CSMD1: variants seen among roughly 807,000 people sequenced by gnomAD.
CSMD1 encodes CUB and Sushi multiple domains 1, also known as CUB and sushi domain-containing protein 1.
In CSMD1, 213 loss-of-function variants were observed where a neutral mutation model predicts 417.5. The observed-to-expected ratio is 0.51, with a 90% CI of 0.46 to 0.57. The LOEUF (loss-of-function observed/expected upper bound fraction) is 0.57. CSMD1 is among the 20% of genes least tolerant of loss of function. CSMD1 has a pLI of 0.00. For synonymous variants in CSMD1, 2,862 were observed against 1,736.8 expected, an observed-to-expected ratio of 1.65 and a Z score of -16.11; for missense variants, 6,923 against 4,529.7, an observed-to-expected ratio of 1.53 and a Z score of -15.17.
At chr8:4,450,444 G>A (rs1000419694) in intron 2 of CSMD1, among the ~76,000 whole-genome samples, 2 of 152,098 alleles carry the variant, frequency 1.3e-5, no homozygotes, top group African/African-American at 2.4e-5. Context: ...TGGCCAACAG[G>A]GTGAAACCTC....
At chr8:3,236,084 A>AT (rs533682909) in intron 26 of CSMD1, among the ~76,000 whole-genome samples, 185 of 151,454 alleles carry the variant, frequency 1.2e-3, no homozygotes, top group African/African-American at 1.9e-3. Context: ...CACCAGGCTA[A>AT]TTTTTTTGTA....
At chr8:4,428,782 T>G (rs990323339) in intron 2 of CSMD1, among the ~76,000 whole-genome samples, 1 of 152,092 alleles carries the variant, frequency 6.6e-6, no homozygotes, top group African/African-American at 2.4e-5. Context: ...TGCAGTGGCG[T>G]GATCTTGGCT....
At chr8:4,039,721 G>C (rs529040464) in intron 3 of CSMD1, among the ~76,000 whole-genome samples, 1 of 152,166 alleles carries the variant, frequency 6.6e-6, no homozygotes, top group African/African-American at 2.4e-5. Flanking sequence ...AAAAGGGCAA[G>C]ATTTGGCCAA....
chr8:4,438,281 G>A lies in CSMD1; in HGVS notation c.303-18216C>T, dbSNP rs139909561. On this transcript the variant is annotated intron_variant, in intron 2 of 69. Coordinates refer to ENST00000635120, the MANE Select transcript of CSMD1 (RefSeq NM_033225.6). Reference sequence around the variant, plus strand: ...GTTCTTTAAGGTTGAAGAGACCTGGGGCTTTCCTGAATGCTCATGGAGGTG... The same window carrying A: ...GTTCTTTAAGGTTGAAGAGACCTGGAGCTTTCCTGAATGCTCATGGAGGTG... 1.7e-3 allele frequency among the ~76,000 whole-genome samples: 265 copies of A among 152,230 alleles called. 1 individual carries two copies. Among genetic ancestry groups the A allele is most frequent in the African/African-American group, 6.1e-3 (254 of 41,550 alleles).
chr8:3,893,011 C>T (rs918248061), intron 5 of CSMD1, among the ~76,000 whole-genome samples: 3 of 151,648 alleles, frequency 2.0e-5, no homozygotes, highest in African/African-American at 4.8e-5. Context: ...AGTTTTCACA[C>T]TGAAAATAAC....
chr8:4,385,629 A>C (rs1051667806), intron 3 of CSMD1, among the ~76,000 whole-genome samples: 4 of 152,206 alleles, frequency 2.6e-5, no homozygotes, highest in Admixed American at 2.6e-4. Context: ...TGAATCAGTA[A>C]CAGATGCAAA....
intron 18 of CSMD1, among the ~76,000 whole-genome samples, chr8:3,383,118 T>C (rs1354225028): frequency 1.3e-5 from 2 of 152,156 alleles, no homozygotes; most frequent in East Asian, 3.9e-4. Context: ...CACAAATTTT[T>C]AGATGGATTG....
intron 3 of CSMD1, among the ~76,000 whole-genome samples, chr8:4,122,314 C>T (rs552737226): frequency 9.2e-5 from 14 of 152,162 alleles, no homozygotes; most frequent in Non-Finnish European, 1.5e-4. Flanking sequence ...CTTTGATGAC[C>T]AAATATTAAG....
At chr8:4,789,653 T>G (rs1797590000) in intron 1 of CSMD1, among the ~76,000 whole-genome samples, 1 of 152,192 alleles carries the variant, frequency 6.6e-6, no homozygotes, top group African/African-American at 2.4e-5. Context: ...GCTGGCATAC[T>G]AGCTGTATGT....
At chr8:3,607,774 T>G (rs557643878) in intron 8 of CSMD1, among the ~76,000 whole-genome samples, 84 of 152,312 alleles carry the variant, frequency 5.5e-4, no homozygotes, top group South Asian at 4.3e-3. Flanking sequence ...CTCCATTAAC[T>G]GGCAATACTC....
intron 3 of CSMD1, among the ~76,000 whole-genome samples, chr8:4,071,168 A>T (rs1411006586): frequency 1.3e-5 from 2 of 152,062 alleles, no homozygotes; most frequent in Non-Finnish European, 2.9e-5. Context: ...TAGTACATTA[A>T]AGATAGTTTC....
At chr8:4,405,655 C>T (rs995192074) in intron 3 of CSMD1, among the ~76,000 whole-genome samples, 6 of 152,178 alleles carry the variant, frequency 3.9e-5, no homozygotes, top group Admixed American at 6.5e-5. Context: ...GCATTATCCT[C>T]GCATGAGACA....
intron 37 of CSMD1, among the ~76,000 whole-genome samples, chr8:3,178,949 T>C (rs1821112045): frequency 1.8e-5 from 1 of 54,726 alleles, no homozygotes; most frequent in Non-Finnish European, 3.3e-5. Flanking sequence ...TCTATATTTC[T>C]TTTTTTTTTT....
intron 1 of CSMD1, among the ~76,000 whole-genome samples, chr8:4,940,536 T>C (rs1050099842): frequency 3.9e-5 from 6 of 152,220 alleles, no homozygotes; most frequent in African/African-American, 1.2e-4. Flanking sequence ...GAAATCAAAC[T>C]GAAAATTCAT....
chr8:4,160,095 A>G (rs1797062866), intron 3 of CSMD1, among the ~76,000 whole-genome samples: 1 of 74,684 alleles, frequency 1.3e-5, no homozygotes, highest in African/African-American at 4.9e-5. Context: ...TAAAAAAAAA[A>G]AGAAAAAGCA....
chr8:4,376,705 T>G (rs909259532), intron 3 of CSMD1, among the ~76,000 whole-genome samples: 2 of 152,272 alleles, frequency 1.3e-5, no homozygotes, highest in African/African-American at 4.8e-5. Flanking sequence ...CTTTAATCTT[T>G]GCAAACTGAT....
At chr8:4,233,038 C>G (rs1714677) in intron 3 of CSMD1, among the ~76,000 whole-genome samples, 71,202 of 151,944 alleles carry the variant, frequency 0.47, 18,320 homozygotes, top group Non-Finnish European at 0.59. Flanking sequence ...ATCAAAACCA[C>G]AAGGATATGT....
intron 46 of CSMD1, among the ~76,000 whole-genome samples, chr8:3,105,658 G>T (rs750436468): frequency 1.3e-5 from 2 of 152,150 alleles, no homozygotes; most frequent in Non-Finnish European, 2.9e-5. Flanking sequence ...AAACATATGT[G>T]AGAAAAACTT....
intron 4 of CSMD1, among the ~76,000 whole-genome samples, chr8:4,017,983 T>C (rs1361724314): frequency 6.6e-6 from 1 of 152,146 alleles, no homozygotes; most frequent in Non-Finnish European, 1.5e-5. Context: ...ACATGTTGCA[T>C]TTTGATTAAT....
Sources: gnomAD v4.1 joint callset for allele counts (sites outside exome capture counted in the v4.1 genomes callset) on GRCh38, gnomAD v4.1.1 for gene constraint, MANE v1.5 for transcripts, NCBI Gene and HGNC (gene_info 2026-07-23, HGNC 2026-07-21) for gene names.